The following GTSF1 variants were observed in gnomAD, a reference collection of about 807,000 sequenced individuals.
The protein encoded by GTSF1 is gametocyte specific factor 1, also known as gametocyte-specific factor 1.
GTSF1 carries 11 observed loss-of-function variants against 28.9 expected under a neutral mutation model. The ratio of observed to expected loss-of-function variants is 0.38; its 90% CI spans 0.24 to 0.63. The LOEUF (loss-of-function observed/expected upper bound fraction) is 0.63, where lower values mean the gene tolerates loss of function less well. Ranked by LOEUF, GTSF1 falls within the 30% of genes least tolerant of loss-of-function variation. GTSF1 has a pLI of 0.56. For missense variants in GTSF1, 146 were observed against 201.0 expected (o/e 0.73, Z 1.66); for synonymous variants, 69 against 65.6 (o/e 1.05, Z -0.25).
intron 2 of GTSF1, among the ~76,000 whole-genome samples, chr12:54,467,323 T>G (rs1392473957): frequency 8.6e-6 from 1 of 115,726 alleles, no homozygotes; most frequent in African/African-American, 3.7e-5. Flanking sequence ...TTGTTTTTTG[T>G]TTTTTTTTTT....
At chr12:54,466,884 C>T (rs901041110) in intron 2 of GTSF1, 1 of 138,810 alleles carries the variant, frequency 7.2e-6, no homozygotes, top group East Asian at 2.1e-4. Flanking sequence ...GGCGCGATCT[C>T]GGCCCACTGC....
intron 8 of GTSF1, 42 bp downstream of exon 8, chr12:54,459,047 C>G: frequency 7.1e-7 from 1 of 1,408,694 alleles, no homozygotes; most frequent in Non-Finnish European, 9.9e-7. Flanking sequence ...TTAAATCTTG[C>G]TACCATCTGA....
At chr12:54,459,156 A>C (rs374376021) in intron 7 of GTSF1, 31 bp from the exon 8 acceptor site, 1 of 1,588,826 alleles carries the variant, frequency 6.3e-7, no homozygotes, top group Non-Finnish European at 8.6e-7. Flanking sequence ...AAATAAATAC[A>C]CCATGTCAAT....
At chr12:54,464,874 A>T (rs1956485176) in intron 3 of GTSF1, 193 bp downstream of exon 3, 1 of 406,148 alleles carries the variant, frequency 2.5e-6, no homozygotes, top group Admixed American at 3.6e-5. Flanking sequence ...TAATGGGAAG[A>T]AAACCAAAAC....
chr12:54,463,158 T>C lies in GTSF1; in HGVS notation c.244+13A>G, dbSNP rs375297472. 127 of 1,612,536 alleles carry C rather than the reference T, an allele frequency of 7.9e-5. No homozygotes were observed. Among genetic ancestry groups the C allele is most frequent in the Non-Finnish European group, 1.1e-4 (125 of 1,179,210 alleles). Reference sequence around the variant, plus strand: ...CCCTCCAGTACTGAAATATTTTAGATACTAAGTCTTACCAACATCTTGCTC... The same window carrying C: ...CCCTCCAGTACTGAAATATTTTAGACACTAAGTCTTACCAACATCTTGCTC... On this transcript the variant is annotated intron_variant, in intron 4 of 8. Coordinates refer to ENST00000305879, the MANE Select transcript of GTSF1 (RefSeq NM_144594.3).
chr12:54,473,017 G>C (rs1449624450), intron 1 of GTSF1, among the ~76,000 whole-genome samples: 1 of 152,090 alleles, frequency 6.6e-6, no homozygotes, highest in Non-Finnish European at 1.5e-5. Context: ...CCGGACAAAA[G>C]GACGAATTAC....
At chr12:54,459,161 G>A (rs1426718495) in intron 7 of GTSF1, 36 bp from the exon 8 acceptor site, 2 of 1,583,566 alleles carry the variant, frequency 1.3e-6, no homozygotes. Flanking sequence ...AATACACCAT[G>A]TCAATTGAAA....
intron 7 of GTSF1, 32 bp downstream of exon 7, chr12:54,460,345 G>A (rs1394335168): frequency 6.3e-6 from 9 of 1,433,896 alleles, no homozygotes; most frequent in Non-Finnish European, 8.9e-6. Flanking sequence ...ACAATGAAAA[G>A]AGTAAAACTA....
rs376753551 is a variant in GTSF1, at chr12:54,471,188, G to A, written c.16+45C>T. ...AGTCTTGTCAGATATAAAACTATAC[G>A]TAAATGATTTAACTTATTTTCTAAA... On this transcript the variant is annotated intron_variant, in intron 2 of 8. Transcript: ENST00000305879. The A allele has an allele frequency of 1.2e-3, 1,750 of 1,461,514 alleles. 46 individuals carry two copies. In the South Asian group the frequency reaches 0.022, roughly 18 times the overall value. The allele number at this position is 1,461,514 out of a possible 1,614,324, so 90.5% of individuals were successfully genotyped here. A position where few individuals can be genotyped will look rare whatever the true frequency, so the allele number is the denominator to read the frequency against.
intron 6 of GTSF1, 37 bp from the exon 7 acceptor site, chr12:54,460,508 G>A: frequency 1.4e-6 from 2 of 1,420,284 alleles, no homozygotes; most frequent in Non-Finnish European, 2.0e-6. Flanking sequence ...CGGCAGATCA[G>A]TATCATTCAA....
chr12:54,458,389 T>C lies in GTSF1; in HGVS notation c.*20+700A>G, dbSNP rs544859829. Among the ~76,000 whole-genome samples the C allele has an allele frequency of 2.0e-5, 3 of 152,388 alleles. No individual in the cohort carries two copies. In the East Asian group the frequency reaches 5.8e-4, roughly 29 times the overall value. ...TTATTTTTTAAATTTTATTTTATTT[T>C]TGAGACATAATCTTACTCTGTGGCC... On this transcript the variant is annotated intron_variant, in intron 8 of 8. Transcript: ENST00000305879.
intron 5 of GTSF1, 142 bp downstream of exon 5, chr12:54,462,500 T>C (rs1411590613): frequency 8.6e-6 from 6 of 697,192 alleles, no homozygotes; most frequent in Non-Finnish European, 1.5e-5. Flanking sequence ...GATACAAATG[T>C]GCTCGTTTTG....
At chr12:54,472,868 T>C (rs1007729617) in intron 1 of GTSF1, among the ~76,000 whole-genome samples, 1 of 152,222 alleles carries the variant, frequency 6.6e-6, no homozygotes, top group Non-Finnish European at 1.5e-5. Context: ...CGTCTTTTTG[T>C]ATATATTTCA....
intron 3 of GTSF1, 116 bp downstream of exon 3, chr12:54,464,951 G>T: frequency 1.6e-6 from 1 of 629,956 alleles, no homozygotes; most frequent in Non-Finnish European, 2.8e-6. Context: ...AAGAGAGGTA[G>T]ATTCCCAAAA....
Position 54,462,651 on chromosome 12 carries a change from A to C in GTSF1, c.319T>G (p.Trp107Gly). 1 of 1,613,294 alleles carries C rather than the reference A, an allele frequency of 6.2e-7. No homozygotes were observed. The highest frequency in any genetic ancestry group is 8.5e-7 in the Non-Finnish European group (1 of 1,179,226). ...TWQCPPCDEDWDKDLWEQTST... is the reference protein window; with the variant it reads ...TWQCPPCDEDGDKDLWEQTST... ...TGTAGAGGCAGCTCACCTTTATCCC[A>C]GTCTTCATCGCAAGGAGGGCACTGC... Residue 107 changes from tryptophan to glycine, a missense_variant, in exon 5 of 9, where the codon TGG (tryptophan) becomes GGG (glycine). Coordinates refer to ENST00000305879, the MANE Select transcript of GTSF1 (RefSeq NM_144594.3).
intron 2 of GTSF1, among the ~76,000 whole-genome samples, chr12:54,466,373 G>A (rs963907068): frequency 2.0e-5 from 3 of 152,190 alleles, no homozygotes; most frequent in Admixed American, 6.5e-5. Context: ...CAGTTTCACT[G>A]GAAGAGTGGT....
In GTSF1 at chr12:54,467,377, C is replaced by T. The variant is rs112478783; in HGVS notation, c.17-2210G>A. 6.9e-3 allele frequency among the ~76,000 whole-genome samples: 1,047 copies of T among 151,376 alleles called. 19 individuals carry two copies. Among genetic ancestry groups the T allele is most frequent in the African/African-American group, 0.024 (991 of 41,188 alleles). On this transcript the variant is annotated intron_variant, in intron 2 of 8. Transcript: ENST00000305879. ...TTATCCAGGCTGGAGTGCAGTTGCA[C>T]GATCTTGGCTCACTGCAACCTCCAC...
intron 7 of GTSF1, among the ~76,000 whole-genome samples, chr12:54,460,017 C>T (rs1175466928): frequency 3.3e-5 from 4 of 122,200 alleles, no homozygotes; most frequent in East Asian, 2.2e-4. Context: ...TGAGCCACCG[C>T]GCCCGGCCTG....
At position 54,462,724 on chromosome 12, in the gene GTSF1, G is replaced by C. The variant is rs1266040816; in HGVS notation, c.246C>G (p.Val82=). ...DDRSCIEQDV[V]NQTRSLRQET... is the part of the protein sequence containing the mutation. Reference sequence around the variant, plus strand: ...CTTGTCTAAGGCTCCTGGTTTGGTTGACTGCAAGACAATAAAGATTGGATA... The same window carrying C: ...CTTGTCTAAGGCTCCTGGTTTGGTTCACTGCAAGACAATAAAGATTGGATA... The change falls in exon 5 of 9, where the codon GTC becomes GTG. Residue 82 remains valine, a splice_region_variant and synonymous_variant. Coordinates refer to ENST00000305879, the MANE Select transcript of GTSF1 (RefSeq NM_144594.3). The C allele has an allele frequency of 6.2e-7, 1 of 1,612,804 alleles. No individual in the cohort carries two copies. The highest frequency in any genetic ancestry group is 1.3e-5 in the African/African-American group (1 of 74,886).
Sources: allele counts gnomAD v4.1 joint callset (sites outside exome capture counted in the v4.1 genomes callset), GRCh38; gene constraint gnomAD v4.1.1; transcripts MANE v1.5; gene names NCBI Gene and HGNC (gene_info 2026-07-23, HGNC 2026-07-21).